FOXP2: variants seen among roughly 807,000 people sequenced by gnomAD.
The protein encoded by FOXP2 is forkhead box P2.
FOXP2 carries 12 observed loss-of-function variants against 115.8 expected under a neutral mutation model. The observed-to-expected ratio is 0.10, with a 90% CI of 0.07 to 0.17. FOXP2 has a LOEUF of 0.17. Ranked by LOEUF, FOXP2 falls within the 10% of genes least tolerant of loss-of-function variation. FOXP2 has a pLI of 1.00. For synonymous variants in FOXP2, 328 were observed against 297.7 expected (o/e 1.10, Z -1.05); for missense variants, 629 against 843.5 (o/e 0.75, Z 3.15).
intron 1 of FOXP2, among the ~76,000 whole-genome samples, chr7:114,420,227 T>C (rs571722523): frequency 5.3e-5 from 8 of 151,992 alleles, no homozygotes; most frequent in Admixed American, 1.3e-4. Context: ...AGGGGATCAG[T>C]GAAGGCTATT....
chr7:114,128,029 C>T (rs1471152827), intron 1 of FOXP2, among the ~76,000 whole-genome samples: 2 of 152,154 alleles, frequency 1.3e-5, no homozygotes, highest in Non-Finnish European at 2.9e-5. Context: ...TAGTTCATGA[C>T]ATAGTTATCT....
intron 2 of FOXP2, among the ~76,000 whole-genome samples, chr7:114,473,282 C>A (rs1796123817): frequency 6.6e-6 from 1 of 151,902 alleles, no homozygotes; most frequent in South Asian, 2.1e-4. Context: ...TAAATATAGC[C>A]CCCATTACAA....
At chr7:114,575,087 T>C (rs1189739856) in intron 3 of FOXP2, among the ~76,000 whole-genome samples, 4 of 151,858 alleles carry the variant, frequency 2.6e-5, no homozygotes, top group African/African-American at 9.7e-5. Context: ...CTTGAGGCTT[T>C]ACATAAATCC....
chr7:114,088,733 A>C (rs959122831), intron 1 of FOXP2, among the ~76,000 whole-genome samples: 4 of 152,236 alleles, frequency 2.6e-5, no homozygotes, highest in Non-Finnish European at 4.4e-5. Context: ...GGGACTGTTT[A>C]TCTTTTCTGT....
At chr7:114,536,397 C>CCTTT (rs1799396032) in intron 3 of FOXP2, among the ~76,000 whole-genome samples, 1 of 112,368 alleles carries the variant, frequency 8.9e-6, no homozygotes, top group African/African-American at 3.4e-5. Context: ...TTTTTCTTTT[C>CCTTT]TTTTTTTTTT....
At chr7:114,446,936 G>C (rs1794861032) in intron 2 of FOXP2, among the ~76,000 whole-genome samples, 1 of 151,698 alleles carries the variant, frequency 6.6e-6, no homozygotes, top group Non-Finnish European at 1.5e-5. Context: ...TTTTAGTAGA[G>C]ACAGGGTTTC....
At chr7:114,422,589 G>A (rs1267416320) in intron 1 of FOXP2, among the ~76,000 whole-genome samples, 5 of 151,598 alleles carry the variant, frequency 3.3e-5, no homozygotes, top group Non-Finnish European at 7.4e-5. Context: ...GAGTGGAAAA[G>A]AGATAGGGAG....
At chr7:114,422,603 A>T (rs1316806624) in intron 1 of FOXP2, among the ~76,000 whole-genome samples, 1 of 151,706 alleles carries the variant, frequency 6.6e-6, no homozygotes, top group Non-Finnish European at 1.5e-5. Flanking sequence ...TAGGGAGCAT[A>T]AGAAACAGGG....
At chr7:114,432,791 C>T (rs577763274) in intron 2 of FOXP2, among the ~76,000 whole-genome samples, 1 of 151,942 alleles carries the variant, frequency 6.6e-6, no homozygotes, top group Admixed American at 6.6e-5. Flanking sequence ...ATAGAGTTGT[C>T]GTCTACCACA....
At chr7:114,170,705 T>C (rs924881100) in intron 1 of FOXP2, among the ~76,000 whole-genome samples, 3 of 152,256 alleles carry the variant, frequency 2.0e-5, no homozygotes, top group Admixed American at 2.0e-4. Flanking sequence ...ATAAAGAGCA[T>C]GGCCCTAACT....
intron 3 of FOXP2, among the ~76,000 whole-genome samples, chr7:114,587,359 T>C (rs941611798): frequency 4.6e-5 from 7 of 152,114 alleles, no homozygotes; most frequent in African/African-American, 1.7e-4. Flanking sequence ...TCATGCGATG[T>C]TTGGTTTTCT....
chr7:114,594,254 A>G (rs530751966), intron 3 of FOXP2, among the ~76,000 whole-genome samples: 136 of 152,136 alleles, frequency 8.9e-4, no homozygotes, highest in Non-Finnish European at 1.7e-3. Context: ...AAAAATCCCA[A>G]GTTCACCTAT....
chr7:114,436,389 T>G (rs1467446542), intron 2 of FOXP2, among the ~76,000 whole-genome samples: 4 of 151,430 alleles, frequency 2.6e-5, no homozygotes, highest in Non-Finnish European at 5.9e-5. Flanking sequence ...GACAGTAAGT[T>G]TTATGAGGGC....
At chr7:114,504,961 G>T (rs1239879494) in intron 2 of FOXP2, among the ~76,000 whole-genome samples, 1 of 151,522 alleles carries the variant, frequency 6.6e-6, no homozygotes, top group Non-Finnish European at 1.5e-5. Flanking sequence ...GACACAATTA[G>T]TTTGACTGCT....
chr7:114,164,386 C>G (rs1310614892), intron 1 of FOXP2, among the ~76,000 whole-genome samples: 1 of 150,786 alleles, frequency 6.6e-6, no homozygotes, highest in East Asian at 1.9e-4. Flanking sequence ...CACTCTGTCA[C>G]CAGGCTGGAG....
intron 1 of FOXP2, among the ~76,000 whole-genome samples, chr7:114,236,003 C>T (rs1012453434): frequency 6.6e-6 from 1 of 152,116 alleles, no homozygotes; most frequent in Non-Finnish European, 1.5e-5. Context: ...AGTTACTTCC[C>T]TATTAGATTC....
intron 2 of FOXP2, among the ~76,000 whole-genome samples, chr7:114,346,448 A>G (rs1325315701): frequency 6.6e-6 from 1 of 151,860 alleles, no homozygotes; most frequent in East Asian, 1.9e-4. Context: ...CAATGGAAAT[A>G]GAATCATTAT....
chr7:114,527,358 G>T (rs1798930574), intron 2 of FOXP2, among the ~76,000 whole-genome samples: 1 of 151,862 alleles, frequency 6.6e-6, no homozygotes, highest in Non-Finnish European at 1.5e-5. Flanking sequence ...GTAATTCTTT[G>T]TTTAACCTTT....
chr7:114,606,992 A>G (rs1803366254), intron 3 of FOXP2, among the ~76,000 whole-genome samples: 1 of 152,202 alleles, frequency 6.6e-6, no homozygotes, highest in African/African-American at 2.4e-5. Flanking sequence ...CACTTGGTAT[A>G]TTCATACAGC....
Sources: allele counts gnomAD v4.1 joint callset (sites outside exome capture counted in the v4.1 genomes callset), GRCh38; gene constraint gnomAD v4.1.1; transcripts MANE v1.5; gene names NCBI Gene and HGNC (gene_info 2026-07-23, HGNC 2026-07-21).